PRR5L: variants seen among roughly 807,000 people sequenced by gnomAD.
PRR5L encodes proline rich 5 like.
In PRR5L, 21 loss-of-function variants were observed where a neutral mutation model predicts 36.4. The observed-to-expected ratio is 0.58, with a 90% confidence interval of 0.41 to 0.83. PRR5L has a LOEUF of 0.83. Ranked by LOEUF, PRR5L falls within the 40% of genes least tolerant of loss-of-function variation. PRR5L has a pLI of 0.00. For missense variants in PRR5L, 381 were observed against 473.3 expected (o/e 0.80, Z 1.81); for synonymous variants, 188 against 197.0 (o/e 0.95, Z 0.38).
At chr11:36,431,330 A>C (rs935050367) in intron 4 of PRR5L, among the ~76,000 whole-genome samples, 3 of 152,220 alleles carry the variant, frequency 2.0e-5, no homozygotes, top group Non-Finnish European at 4.4e-5. Context: ...TGCAGTTGCA[A>C]GAGGACTTTA....
intron 5 of PRR5L, among the ~76,000 whole-genome samples, chr11:36,433,275 C>T (rs945043947): frequency 2.0e-5 from 3 of 152,098 alleles, no homozygotes; most frequent in African/African-American, 4.8e-5. Context: ...CTTTCCTCAG[C>T]CCCCGACAGC....
intron 1 of PRR5L, among the ~76,000 whole-genome samples, chr11:36,307,080 C>A (rs11606433): frequency 2.6e-5 from 4 of 152,024 alleles, no homozygotes; most frequent in Admixed American, 6.5e-5. Context: ...GGCCAGGGGG[C>A]GACAAATCTA....
rs1564938241 is a variant in PRR5L, at chr11:36,404,283, T to TTTTG, written c.245+908_245+909insGTTT. 9.7e-4 allele frequency among the ~76,000 whole-genome samples: 111 copies of TTTTG among 113,958 alleles called. 1 individual carries two copies. The highest frequency in any genetic ancestry group is 4.5e-3 in the African/African-American group (90 of 20,190). The allele number at this position is 113,958 out of a possible 152,430, so 74.8% of individuals were successfully genotyped here. A position where few individuals can be genotyped will look rare whatever the true frequency, so the allele number is the denominator to read the frequency against. ...TCCATCAGGTCTTTTTTTTTTTTTT[T>TTTTG]TTTTTTTAAACGGAGTCTTGCTCTG... On this transcript the variant is annotated intron_variant, in intron 3 of 8. Transcript: ENST00000530639.
At chr11:36,351,319 T>A (rs1483336270) in intron 1 of PRR5L, among the ~76,000 whole-genome samples, 2 of 74,812 alleles carry the variant, frequency 2.7e-5, no homozygotes, top group African/African-American at 1.0e-4. Context: ...TATATATATT[T>A]ATAAATATTT....
intron 1 of PRR5L, chr11:36,297,238 T>C (rs1223030188): frequency 1.3e-5 from 2 of 152,250 alleles, no homozygotes; most frequent in African/African-American, 4.8e-5. Context: ...TCTGGAGTTA[T>C]TCTGCTTCTC....
At chr11:36,403,121 G>A (rs575453488) in intron 2 of PRR5L, among the ~76,000 whole-genome samples, 177 bp from the exon 3 acceptor site, 10 of 152,314 alleles carry the variant, frequency 6.6e-5, no homozygotes, top group South Asian at 2.1e-4. Context: ...GAGTCCTTTC[G>A]CCTTTGGTCT....
chr11:36,333,510 T>C (rs988813613), intron 1 of PRR5L, among the ~76,000 whole-genome samples: 4 of 152,066 alleles, frequency 2.6e-5, no homozygotes, highest in African/African-American at 9.7e-5. Flanking sequence ...TTAAATGAAG[T>C]GTGGCACAAC....
intron 1 of PRR5L, among the ~76,000 whole-genome samples, chr11:36,326,948 T>A (rs2422247): frequency 0.61 from 92,321 of 151,902 alleles, 29,417 homozygotes; most frequent in East Asian, 0.88. Context: ...GGAGGGTGGT[T>A]TGAAACCTTT....
intron 3 of PRR5L, among the ~76,000 whole-genome samples, chr11:36,418,568 G>A (rs140248972): frequency 0.028 from 4,258 of 152,148 alleles, 135 homozygotes; most frequent in African/African-American, 0.075. Flanking sequence ...AGGCCGAGGC[G>A]GGCGGATCAC....
chr11:36,461,186 C>T (rs1859170417), intron 8 of PRR5L, among the ~76,000 whole-genome samples: 1 of 152,158 alleles, frequency 6.6e-6, no homozygotes, highest in Admixed American at 6.5e-5. Flanking sequence ...CTTGGGTAAG[C>T]TATTCCCTCT....
chr11:36,351,335 TATTTATAATATATA>T (rs1856945311), intron 1 of PRR5L, among the ~76,000 whole-genome samples: 1 of 72,014 alleles, frequency 1.4e-5, no homozygotes, highest in African/African-American at 5.4e-5. Flanking sequence ...TATTTATATA[TATTTATAATATATA>T]ATAAATATAT....
At chr11:36,429,861 A>G (rs1473205377) in intron 4 of PRR5L, among the ~76,000 whole-genome samples, 1 of 152,232 alleles carries the variant, frequency 6.6e-6, no homozygotes, top group Non-Finnish European at 1.5e-5. Flanking sequence ...ACTCATGTCC[A>G]GCTCAGCTGT....
At position 36,392,427 on chromosome 11, in the gene PRR5L, C is replaced by T. The variant is rs551327571; in HGVS notation, c.-125-8570C>T. Reference sequence around the variant, plus strand: ...TATAGTGGTTGCACTAATTTACATTCCCACCAACAGTATATGAAGGTTCCC... The same window carrying T: ...TATAGTGGTTGCACTAATTTACATTTCCACCAACAGTATATGAAGGTTCCC... On this transcript the variant is annotated intron_variant, in intron 1 of 8. Coordinates refer to ENST00000530639, the MANE Select transcript of PRR5L (RefSeq NM_001160167.2). Among the ~76,000 whole-genome samples the T allele has an allele frequency of 1.2e-4, 19 of 152,294 alleles. 1 individual carries two copies. In the South Asian group the frequency reaches 3.9e-3, roughly 32 times the overall value.
rs982190133 is a variant in PRR5L, at chr11:36,344,206, CA to C, written c.-126+47772del. On this transcript the variant is annotated intron_variant, in intron 1 of 8. Transcript: ENST00000530639. This position sits in a 1 kb window ranked among gnomAD's most constrained non-coding sequence, Gnocchi z 4.1. ...CACACTCCAGCCTGGGCAACAAGCG[CA>C]AAACTCTGTCTCAAAAAAAAAAAAT... 6.1e-5 allele frequency among the ~76,000 whole-genome samples: 9 copies of C among 147,114 alleles called. No individual in the cohort carries two copies. The highest frequency in any genetic ancestry group is 2.3e-4 in the African/African-American group (9 of 39,416).
At chr11:36,397,094 G>C (rs1857678147) in intron 1 of PRR5L, among the ~76,000 whole-genome samples, 1 of 145,612 alleles carries the variant, frequency 6.9e-6, no homozygotes, top group Non-Finnish European at 1.5e-5. Context: ...TTGAGATGGA[G>C]TCTTGCTCTG....
chr11:36,375,466 CA>C (rs1401028651), intron 1 of PRR5L, among the ~76,000 whole-genome samples: 2 of 152,006 alleles, frequency 1.3e-5, no homozygotes, highest in Non-Finnish European at 2.9e-5. Flanking sequence ...TCGCAATGAC[CA>C]AATCAAAAAA....
At chr11:36,438,773 C>A (rs974306390) in intron 6 of PRR5L, among the ~76,000 whole-genome samples, 1 of 151,794 alleles carries the variant, frequency 6.6e-6, no homozygotes, top group Non-Finnish European at 1.5e-5. Flanking sequence ...CAACCCATCT[C>A]TATTAAAAAA....
At chr11:36,321,992 T>C (rs1856618073) in intron 1 of PRR5L, among the ~76,000 whole-genome samples, 1 of 152,048 alleles carries the variant, frequency 6.6e-6, no homozygotes, top group South Asian at 2.1e-4. Flanking sequence ...AAAGCCTCTG[T>C]CTCCAAATAT....
chr11:36,351,274 A>ATATATATTTT (rs1474616178), intron 1 of PRR5L, among the ~76,000 whole-genome samples: 64,926 of 79,212 alleles, frequency 0.82, 26,572 homozygotes, highest in Middle Eastern at 0.84. Context: ...TTATATATTT[A>ATATATATTTT]TATATATGTA....
Sources: gnomAD v4.1 joint callset for allele counts (sites outside exome capture counted in the v4.1 genomes callset) on GRCh38, gnomAD v4.1.1 for gene constraint, Gnocchi (gnomAD v3.1) non-coding constraint, MANE v1.5 for transcripts, NCBI Gene and HGNC (gene_info 2026-07-23, HGNC 2026-07-21) for gene names.